BRD4: variants seen among roughly 807,000 people sequenced by gnomAD.
The protein encoded by BRD4 is bromodomain-containing protein 4.
Under a neutral mutation model 142.1 loss-of-function variants are expected in BRD4, and 16 were observed. The observed-to-expected ratio is 0.11, with a 90% CI of 0.08 to 0.17. The LOEUF (loss-of-function observed/expected upper bound fraction) is 0.17, where lower values mean the gene tolerates loss of function less well. Among genes scored for constraint, BRD4 ranks in the 10% least tolerant of loss-of-function variants. The probability of loss-of-function intolerance (pLI) is 1.00; values close to 1 mark genes in which losing one functional copy is unlikely to be tolerated. For synonymous variants in BRD4, 833 were observed against 707.5 expected, an observed-to-expected ratio of 1.18 and a Z score of -2.82; for missense variants, 1,424 against 1,810.9, an observed-to-expected ratio of 0.79 and a Z score of 3.88.
chr19:15,277,619 C>CAAAAA (rs67961221), intron 1 of BRD4, among the ~76,000 whole-genome samples: 1 of 96,020 alleles, frequency 1.0e-5, no homozygotes, highest in East Asian at 3.0e-4. Flanking sequence ...CTATCTCTAC[C>CAAAAA]AAAAAAAAAA....
At chr19:15,248,422 G>A (rs2047311164) in intron 11 of BRD4, 1 of 217,122 alleles carries the variant, frequency 4.6e-6, no homozygotes, top group Admixed American at 5.8e-5. Flanking sequence ...CCCACTAGAG[G>A]AGGCGGGTGG....
chr19:15,272,034 G>A (rs2047593616), intron 2 of BRD4, among the ~76,000 whole-genome samples: 1 of 144,208 alleles, frequency 6.9e-6, no homozygotes, highest in South Asian at 2.1e-4. Flanking sequence ...AACAGCAAAG[G>A]ACAATTTAAA....
chr19:15,274,869 CTTT>C (rs745455535), intron 1 of BRD4, among the ~76,000 whole-genome samples: 4 of 142,936 alleles, frequency 2.8e-5, no homozygotes, highest in African/African-American at 2.6e-5. Flanking sequence ...CTGAATTTTC[CTTT>C]TTTTTTTTTT....
At chr19:15,285,497 A>T (rs2047732919) in intron 1 of BRD4, among the ~76,000 whole-genome samples, 1 of 152,140 alleles carries the variant, frequency 6.6e-6, no homozygotes, top group South Asian at 2.1e-4. Flanking sequence ...CCTGGGAGAC[A>T]GAGGTTGCTG....
At chr19:15,265,744 C>A in intron 4 of BRD4, 101 bp from the exon 5 acceptor site, 1 of 1,286,776 alleles carries the variant, frequency 7.8e-7, no homozygotes, top group Non-Finnish European at 1.1e-6. Flanking sequence ...CGCACATTCG[C>A]GTGTTGCATT....
rs2145624409 is a variant in BRD4 at position 15,272,847 on chromosome 19, G to C, written c.253C>G (p.Gln85Glu). The change falls in exon 2 of 20, where the codon CAG becomes GAG. Residue 85 changes from glutamine to glutamate, a missense_variant. Around this residue, in one of 16 missense-constraint regions of BRD4, gnomAD observed 55 missense variants for 160.7 expected, o/e 0.34. Transcript: ENST00000679869. ...WKHQFAWPFQQPVDAVKLNLP... is the reference protein window; with the variant it reads ...WKHQFAWPFQEPVDAVKLNLP... Reference sequence around the variant, plus strand: ...TTCAGCTTGACGGCATCCACAGGCTGCTGGAAAGGCCATGCAAACTGGTGT... The same window carrying C: ...TTCAGCTTGACGGCATCCACAGGCTCCTGGAAAGGCCATGCAAACTGGTGT... 6.2e-7 allele frequency: 1 copy of C among 1,614,114 alleles called. No individual in the cohort carries two copies. The highest frequency in any genetic ancestry group is 8.5e-7 in the Non-Finnish European group (1 of 1,180,004).
chr19:15,332,215 G>T (rs943660975), intron 1 of BRD4, 75 bp downstream of exon 1: 7 of 146,634 alleles, frequency 4.8e-5, no homozygotes, highest in African/African-American at 1.5e-4. Flanking sequence ...CGCAATGCAG[G>T]TTACGCGGAC....
At chr19:15,323,997 C>G (rs960735365) in intron 1 of BRD4, among the ~76,000 whole-genome samples, 9 of 152,236 alleles carry the variant, frequency 5.9e-5, no homozygotes, top group African/African-American at 2.2e-4. Flanking sequence ...GAAGAGAAAA[C>G]TGAGGCTTAT....
chr19:15,242,569 T>C (rs543398489), intron 14 of BRD4, among the ~76,000 whole-genome samples: 1 of 152,204 alleles, frequency 6.6e-6, no homozygotes, highest in East Asian at 1.9e-4. Flanking sequence ...CTTGGAAGCA[T>C]ATCCTGACCC....
At chr19:15,254,529 G>A (rs922638867) in intron 10 of BRD4, among the ~76,000 whole-genome samples, 2 of 152,226 alleles carry the variant, frequency 1.3e-5, no homozygotes, top group Non-Finnish European at 2.9e-5. Context: ...GGATTCAAGA[G>A]ACCAGGCAGA....
Position 15,238,089 on chromosome 19 carries a change from T to G in BRD4, c.*288A>C, listed in dbSNP as rs2047208243. Reference sequence around the variant, plus strand: ...GAGAGAAGGGCCTCTGCCCCGCATGTGGGGATGCAGGGCTTGGGTCCAGCC... The same window carrying G: ...GAGAGAAGGGCCTCTGCCCCGCATGGGGGGATGCAGGGCTTGGGTCCAGCC... On this transcript the variant is annotated 3_prime_UTR_variant, in exon 20 of 20. Transcript: ENST00000679869. The surrounding 1 kb of genome is among the most constrained non-coding windows in gnomAD (Gnocchi z 7.2). 3 of 465,314 alleles carry G rather than the reference T, an allele frequency of 6.4e-6. No homozygotes were observed. Among genetic ancestry groups the G allele is most frequent in the African/African-American group, 2.0e-5 (1 of 51,038 alleles). 28.8% of individuals were successfully genotyped at this position (465,314 alleles called of 1,614,324 possible).
At chr19:15,323,343 G>A (rs145372296) in intron 1 of BRD4, among the ~76,000 whole-genome samples, 61 of 152,214 alleles carry the variant, frequency 4.0e-4, no homozygotes, top group Non-Finnish European at 6.6e-4. Flanking sequence ...GTCCCCTGCT[G>A]AGTGTGCCCC....
intron 1 of BRD4, among the ~76,000 whole-genome samples, chr19:15,287,009 G>T (rs545127632): frequency 3.1e-4 from 47 of 152,296 alleles, no homozygotes; most frequent in Middle Eastern, 6.8e-3. Context: ...ACCCCAGTCA[G>T]TTTCCACACC....
At position 15,236,760 on chromosome 19, in the gene BRD4, G is replaced by A; in HGVS notation, c.*1617C>T. 5.7e-6 allele frequency: 1 copy of A among 176,064 alleles called. No homozygotes were observed. The highest frequency in any genetic ancestry group is 9.6e-5 in the East Asian group (1 of 10,392). 10.9% of individuals were successfully genotyped at this position (176,064 alleles called of 1,614,324 possible). A position where few individuals can be genotyped will look rare whatever the true frequency, so the allele number is the denominator to read the frequency against. On this transcript the variant is annotated 3_prime_UTR_variant, in exon 20 of 20. Transcript: ENST00000679869. ...TGGCAGTAGTTCCTGTACAGAGGTG[G>A]TCTGGGGTCCAGGGGGTCCCCTGGG...
intron 1 of BRD4, among the ~76,000 whole-genome samples, chr19:15,276,668 T>C (rs575821323): frequency 6.6e-6 from 1 of 152,250 alleles, no homozygotes; most frequent in Admixed American, 6.5e-5. Context: ...CACATTGTCA[T>C]CCTGGGGCTT....
At chr19:15,260,084 C>T (rs1239120392) in intron 7 of BRD4, among the ~76,000 whole-genome samples, 1 of 145,170 alleles carries the variant, frequency 6.9e-6, no homozygotes, top group African/African-American at 2.6e-5. Flanking sequence ...CGGCATCCCA[C>T]AGACCTACAC....
intron 7 of BRD4, chr19:15,257,383 C>A: frequency 1.7e-6 from 1 of 581,758 alleles, no homozygotes; most frequent in Non-Finnish European, 3.0e-6. Context: ...TCAAATCTCA[C>A]TTTGAAGAAC....
rs758698520 is a variant in BRD4, at chr19:15,244,752, C to T, written c.2169G>A (p.Pro723=). The T allele has an allele frequency of 6.2e-6, 10 of 1,613,950 alleles. No individual in the cohort carries two copies. The African/African-American group carries it at 6.7e-5, about 11-fold the overall frequency. ...DSEDSETEMA[P]KSKKKGHPGR... ...CGGGGTGCCCCTTCTTTTTTGACTT[C>T]GGAGCCATCTCTGCAGAGGAAAAGA... The change falls in exon 12 of 20, where the codon CCG becomes CCA. Residue 723 remains proline, a synonymous_variant. Transcript: ENST00000679869.
chr19:15,250,577 G>A (rs1317593876), intron 11 of BRD4, among the ~76,000 whole-genome samples: 1 of 152,214 alleles, frequency 6.6e-6, no homozygotes, highest in Non-Finnish European at 1.5e-5. Flanking sequence ...TAGCTGGACT[G>A]CGCTCCCGTT....
Sources: allele counts gnomAD v4.1 joint callset (sites outside exome capture counted in the v4.1 genomes callset), GRCh38; gene constraint gnomAD v4.1.1; regional missense constraint gnomAD v4.1.1; non-coding constraint Gnocchi (gnomAD v3.1); transcripts MANE v1.5; gene names NCBI Gene and HGNC (gene_info 2026-07-23, HGNC 2026-07-21).